BSCL2: variants seen among roughly 807,000 people sequenced by gnomAD.
The protein encoded by BSCL2 is seipin.
BSCL2 carries 41 observed loss-of-function variants against 57.4 expected under a neutral mutation model. That is an observed-to-expected ratio of 0.71 (90% CI 0.56 to 0.93). BSCL2 has a LOEUF of 0.93. Among genes scored for constraint, BSCL2 ranks in the 40% least tolerant of loss-of-function variants. The probability of loss-of-function intolerance (pLI) is 0.00; values close to 1 mark genes in which losing one functional copy is unlikely to be tolerated. For missense variants in BSCL2, 539 were observed against 586.7 expected (o/e 0.92, Z 0.84); for synonymous variants, 237 against 227.3 (o/e 1.04, Z -0.38).
upstream of BSCL2, chr11:62,707,600 G>T: frequency 1.8e-6 from 1 of 542,546 alleles, no homozygotes; most frequent in Non-Finnish European, 3.3e-6. Flanking sequence ...CGACAGTGGG[G>T]GTGTGCGCAG....
chr11:62,692,630 CTCCTAGTCA>C, intron 5 of BSCL2, 24 bp downstream of exon 5: 2 of 1,613,706 alleles, frequency 1.2e-6, no homozygotes, highest in South Asian at 2.2e-5. Context: ...GAGGGGCTAT[CTCCTAGTCA>C]TAAAGCTCGT....
At chr11:62,708,538 C>T (rs2083581490), upstream of BSCL2, 1 of 1,321,602 alleles carries the variant, frequency 7.6e-7, no homozygotes. Context: ...GAGAGCTGTC[C>T]CCAGGCCTCT....
At chr11:62,694,241 T>C (rs1044875818) in intron 4 of BSCL2, among the ~76,000 whole-genome samples, 1 of 144,372 alleles carries the variant, frequency 6.9e-6, no homozygotes, top group Non-Finnish European at 1.5e-5. Flanking sequence ...TCTTGCTCTG[T>C]TGCCCAGGAG....
At chr11:62,692,909 T>C (rs934620149) in intron 4 of BSCL2, 112 bp from the exon 5 acceptor site, 99 of 1,417,248 alleles carry the variant, frequency 7.0e-5, no homozygotes, top group Non-Finnish European at 9.4e-5. Flanking sequence ...CTTCCTCAGG[T>C]CCCTGGCTGC....
chr11:62,706,238 G>C, intron 1 of BSCL2: 1 of 1,076,416 alleles, frequency 9.3e-7, no homozygotes, highest in Non-Finnish European at 1.1e-6. Context: ...CCCGCCGGCT[G>C]CCACAGGGCT....
At chr11:62,709,498 G>C (rs753799676), upstream of BSCL2, 4 of 454,058 alleles carry the variant, frequency 8.8e-6, no homozygotes, top group South Asian at 6.2e-5. Context: ...CAGTCGTACA[G>C]CAGAGGAACT....
Position 62,690,438 on chromosome 11 carries a change from G to A in BSCL2, c.1318C>T (p.Leu440=). 6.2e-7 allele frequency: 1 copy of A among 1,614,198 alleles called. No homozygotes were observed. Among genetic ancestry groups the A allele is most frequent in the South Asian group, 1.1e-5 (1 of 91,084 alleles). ...PAPASASAPV[L]ETLGSSEPAG... ...GGTTCAGAGCTGCCCAGAGTCTCTAGGACAGGGGCAGAAGCAGAAGCAGGA... is the reference window on the plus strand; with the variant it reads ...GGTTCAGAGCTGCCCAGAGTCTCTAAGACAGGGGCAGAAGCAGAAGCAGGA... Residue 440 remains leucine, a synonymous_variant, in exon 11 of 11, where the codon CTA becomes TTA. Coordinates refer to ENST00000360796, the MANE Select transcript of BSCL2 (RefSeq NM_001122955.4).
intron 3 of BSCL2, among the ~76,000 whole-genome samples, chr11:62,695,093 G>A (rs1029097941): frequency 1.6e-4 from 24 of 152,156 alleles, no homozygotes; most frequent in Admixed American, 6.5e-4. Context: ...TATTAATCAA[G>A]CACTGACAGT....
At chr11:62,701,277 T>A (rs1006987468) in intron 3 of BSCL2, among the ~76,000 whole-genome samples, 2 of 152,158 alleles carry the variant, frequency 1.3e-5, no homozygotes, top group African/African-American at 4.8e-5. Flanking sequence ...GATAAATAGA[T>A]CATACTTCAC....
In BSCL2 at chr11:62,690,576, G is replaced by C. The variant is rs780284832; in HGVS notation, c.1234+36C>G. ...CAAATGGGATATTAGATTAACCGGG[G>C]GCCCCACCCAGGTCACGCTGCAGGA... On this transcript the variant is annotated intron_variant, in intron 10 of 10. Transcript: ENST00000360796. 7 of 1,613,986 alleles carry C rather than the reference G, an allele frequency of 4.3e-6. No homozygotes were observed. In the East Asian group the frequency reaches 8.9e-5, roughly 21 times the overall value.
intron 1 of BSCL2, 36 bp downstream of exon 1, chr11:62,707,073 T>C (rs570637750): frequency 2.0e-6 from 3 of 1,526,138 alleles, no homozygotes; most frequent in East Asian, 4.9e-5. Context: ...CTATTTCCAG[T>C]ATATTTCTGC....
At chr11:62,694,840 C>T (rs2845671) in intron 3 of BSCL2, 129 bp from the exon 4 acceptor site, 62 of 1,137,670 alleles carry the variant, frequency 5.4e-5, no homozygotes, top group East Asian at 1.0e-4. Context: ...GGTAGCCTAA[C>T]GGGCCTTTCA....
intron 3 of BSCL2, 113 bp from the exon 4 acceptor site, chr11:62,694,824 C>G (rs1945409146): frequency 1.5e-6 from 2 of 1,308,508 alleles, no homozygotes; most frequent in South Asian, 2.5e-5. Flanking sequence ...AGCCACAACC[C>G]TCTTGGGTAG....
chr11:62,693,756 C>T (rs907629407), intron 4 of BSCL2, among the ~76,000 whole-genome samples: 18 of 152,098 alleles, frequency 1.2e-4, no homozygotes, highest in Non-Finnish European at 2.4e-4. Flanking sequence ...CAAAGCTGGG[C>T]ATGCTCCTGA....
At chr11:62,705,805 T>C in intron 1 of BSCL2, 188 bp from the exon 2 acceptor site, 1 of 634,064 alleles carries the variant, frequency 1.6e-6, no homozygotes, top group Non-Finnish European at 2.7e-6. Flanking sequence ...TCCACTGTGT[T>C]CCCTCCCGCC....
In BSCL2 at chr11:62,705,439, C is replaced by A. The variant is rs780387759; in HGVS notation, c.266G>T (p.Arg89Leu). Reference sequence around the variant, plus strand: ...CACCCCAAACTGCAGCAGCAGCCTGCGGGCACGGCCTGCCAAGACTTGGCC... The same window carrying A: ...CACCCCAAACTGCAGCAGCAGCCTGAGGGCACGGCCTGCCAAGACTTGGCC... ...EVGQVLAGRA[R>L]RLLLQFGVLF... The change falls in exon 2 of 11, where the codon CGC becomes CTC. Residue 89 changes from arginine to leucine, a missense_variant. Physicochemically the swap from Arg to Leu is moderately radical, Grantham distance 102 (BLOSUM62 -2). Coordinates refer to ENST00000360796, the MANE Select transcript of BSCL2 (RefSeq NM_001122955.4). 2.8e-5 allele frequency: 45 copies of A among 1,614,084 alleles called. No homozygotes were observed. In the South Asian group the frequency reaches 4.5e-4, roughly 16 times the overall value.
Position 62,690,807 on chromosome 11 carries a change from G to A in BSCL2, c.1133C>T (p.Pro378Leu). 1 of 1,613,636 alleles carries A rather than the reference G, an allele frequency of 6.2e-7. No homozygotes were observed. Among genetic ancestry groups the A allele is most frequent in the Non-Finnish European group, 8.5e-7 (1 of 1,179,970 alleles). Reference sequence around the variant, plus strand: ...CATACCTGTCCCTGAGGGATCTTCAGGGCTCTCACCATCCTCTGTAACATC... The same window carrying A: ...CATACCTGTCCCTGAGGGATCTTCAAGGCTCTCACCATCCTCTGTAACATC... ...QSDVTEDGES[P>L]EDPSGTEGQL... Residue 378 changes from proline (P) to leucine (L), a missense_variant, in exon 9 of 11, where the codon CCT (proline) becomes CTT (leucine). Coordinates refer to ENST00000360796, the MANE Select transcript of BSCL2 (RefSeq NM_001122955.4).
chr11:62,698,968 C>T (rs1044658099), intron 3 of BSCL2, among the ~76,000 whole-genome samples: 2 of 152,102 alleles, frequency 1.3e-5, no homozygotes, highest in Admixed American at 6.6e-5. Context: ...TGCAGTGGCA[C>T]GATCTCAGCT....
In BSCL2 at chr11:62,707,399, G is replaced by A. The variant is rs2134748903; in HGVS notation, c.-204C>T. On this transcript the variant is annotated 5_prime_UTR_variant, in exon 1 of 11. Transcript: ENST00000360796. Reference sequence around the variant, plus strand: ...GGAGGAAAGGAGGAGGGGGGCGACTGCCCAGCTGATGTCAGATTTTCAAAT... The same window carrying A: ...GGAGGAAAGGAGGAGGGGGGCGACTACCCAGCTGATGTCAGATTTTCAAAT... 1.4e-6 allele frequency: 1 copy of A among 704,490 alleles called. No homozygotes were observed. Among genetic ancestry groups the A allele is most frequent in the African/African-American group, 1.7e-5 (1 of 57,356 alleles). The allele number at this position is 704,490 out of a possible 1,614,324, so 43.6% of individuals were successfully genotyped here. A position where few individuals can be genotyped will look rare whatever the true frequency, so the allele number is the denominator to read the frequency against.
Sources: gnomAD v4.1 joint callset for allele counts (sites outside exome capture counted in the v4.1 genomes callset) on GRCh38, gnomAD v4.1.1 for gene constraint, MANE v1.5 for transcripts, NCBI Gene and HGNC (gene_info 2026-07-23, HGNC 2026-07-21) for gene names.